ZNF385D: variants seen among roughly 807,000 people sequenced by gnomAD.
ZNF385D encodes the protein zinc finger protein 659.
In ZNF385D, 15 loss-of-function variants were observed where a neutral mutation model predicts 35.8. That is an observed-to-expected ratio of 0.42 (90% CI 0.28 to 0.64). ZNF385D has a LOEUF of 0.64. Ranked by LOEUF, ZNF385D falls within the 30% of genes least tolerant of loss-of-function variation. ZNF385D has a pLI of 0.23. For synonymous variants in ZNF385D, 212 were observed against 186.8 expected (o/e 1.13, Z -1.10); for missense variants, 474 against 494.6 (o/e 0.96, Z 0.39).
At chr3:22,030,005 C>T (rs776815837) in intron 3 of ZNF385D, among the ~76,000 whole-genome samples, 4 of 151,576 alleles carry the variant, frequency 2.6e-5, no homozygotes, top group African/African-American at 4.8e-5. Context: ...CAGACCCACC[C>T]TTAATCTGGT....
intron 4 of ZNF385D, among the ~76,000 whole-genome samples, chr3:21,438,106 AC>A (rs1481285138): frequency 6.6e-6 from 1 of 152,170 alleles, no homozygotes; most frequent in Non-Finnish European, 1.5e-5. Flanking sequence ...TCTTAACTTT[AC>A]TTGGGTATGC....
chr3:22,344,177 G>GGTGTGTGTGTGTGTGTGTGT (rs571896117), intron 2 of ZNF385D, among the ~76,000 whole-genome samples: 3 of 140,756 alleles, frequency 2.1e-5, no homozygotes, highest in African/African-American at 8.1e-5. Context: ...GGTGGGGTGG[G>GGTGTGTGTGTGTGTGTGTGT]GTGTGTGTGT....
chr3:21,461,547 C>T (rs1299899341), intron 4 of ZNF385D, among the ~76,000 whole-genome samples: 1 of 151,142 alleles, frequency 6.6e-6, no homozygotes, highest in Non-Finnish European at 1.5e-5. Flanking sequence ...GACTCTATCT[C>T]AAAAACAAAC....
chr3:22,134,571 T>C (rs1037127294), intron 3 of ZNF385D, among the ~76,000 whole-genome samples: 2 of 152,130 alleles, frequency 1.3e-5, no homozygotes, highest in Non-Finnish European at 2.9e-5. Context: ...TTTTCAAGCA[T>C]ACATGGGACA....
intron 3 of ZNF385D, among the ~76,000 whole-genome samples, chr3:22,124,630 A>G (rs751201637): frequency 6.6e-6 from 1 of 152,084 alleles, no homozygotes; most frequent in African/African-American, 2.4e-5. Flanking sequence ...AGGGTGAGGT[A>G]ATATATCGCT....
chr3:22,024,763 A>C (rs34568561), intron 3 of ZNF385D, among the ~76,000 whole-genome samples: 8,689 of 152,174 alleles, frequency 0.057, 296 homozygotes, highest in Middle Eastern at 0.13. Context: ...CCATCTGTGG[A>C]GAACCAAGGA....
intron 3 of ZNF385D, among the ~76,000 whole-genome samples, chr3:21,989,177 C>T (rs917043541): frequency 2.6e-5 from 4 of 152,130 alleles, no homozygotes; most frequent in South Asian, 4.1e-4. Flanking sequence ...TTGGCTCCTC[C>T]GACCCCATCT....
chr3:22,030,787 A>G (rs1007577397), intron 3 of ZNF385D, among the ~76,000 whole-genome samples: 1 of 152,158 alleles, frequency 6.6e-6, no homozygotes, highest in Non-Finnish European at 1.5e-5. Context: ...TCATTCCAGC[A>G]TTAACTGAAA....
chr3:21,892,305 T>A (rs1559729302), intron 3 of ZNF385D, among the ~76,000 whole-genome samples: 1 of 152,198 alleles, frequency 6.6e-6, no homozygotes, highest in Non-Finnish European at 1.5e-5. Flanking sequence ...AGGAATATGC[T>A]GGCTCAGCAC....
intron 2 of ZNF385D, among the ~76,000 whole-genome samples, chr3:21,631,596 G>GCA (rs1289792840): frequency 6.6e-6 from 1 of 151,952 alleles, no homozygotes; most frequent in African/African-American, 2.4e-5. Context: ...ATGTATAATG[G>GCA]CACACACATT....
chr3:21,501,730 T>A (rs1706384132), intron 4 of ZNF385D, among the ~76,000 whole-genome samples: 1 of 152,226 alleles, frequency 6.6e-6, no homozygotes, highest in Admixed American at 6.5e-5. Flanking sequence ...TTTTGTTATG[T>A]AAGCTTATGT....
chr3:22,085,561 C>A (rs969085486), intron 3 of ZNF385D, among the ~76,000 whole-genome samples: 4 of 152,078 alleles, frequency 2.6e-5, no homozygotes, highest in Non-Finnish European at 4.4e-5. Context: ...CAATAACAGG[C>A]TCTGAAATTG....
At chr3:21,601,025 C>T (rs577712453) in intron 2 of ZNF385D, among the ~76,000 whole-genome samples, 2 of 151,868 alleles carry the variant, frequency 1.3e-5, no homozygotes, top group South Asian at 4.1e-4. Flanking sequence ...CTATGGAACA[C>T]TTACTATTTT....
intron 3 of ZNF385D, among the ~76,000 whole-genome samples, chr3:21,869,666 A>C (rs1697580103): frequency 6.6e-6 from 1 of 152,032 alleles, no homozygotes; most frequent in Non-Finnish European, 1.5e-5. Context: ...ATAGCGTAAC[A>C]CAGTTAGCTT....
intron 1 of ZNF385D, among the ~76,000 whole-genome samples, chr3:21,733,228 C>T (rs2069097326): frequency 6.6e-6 from 1 of 152,026 alleles, no homozygotes; most frequent in African/African-American, 2.4e-5. Flanking sequence ...ACTTTCTCTT[C>T]TGTTCTATTG....
chr3:21,608,712 A>G (rs1559455920), intron 2 of ZNF385D, among the ~76,000 whole-genome samples: 1 of 152,146 alleles, frequency 6.6e-6, no homozygotes, highest in African/African-American at 2.4e-5. Context: ...CCCATGTTTT[A>G]CCCTCTAGAT....
intron 2 of ZNF385D, among the ~76,000 whole-genome samples, chr3:22,248,085 G>A (rs189373896): frequency 1.3e-5 from 2 of 152,138 alleles, no homozygotes; most frequent in African/African-American, 4.8e-5. Flanking sequence ...CTGATGTCAA[G>A]ATTCATGAAC....
At chr3:21,920,581 T>C (rs1471469267) in intron 3 of ZNF385D, among the ~76,000 whole-genome samples, 1 of 144,948 alleles carries the variant, frequency 6.9e-6, no homozygotes, top group African/African-American at 2.6e-5. Context: ...TCTGGAAGAA[T>C]GCATTTAGTG....
chr3:21,989,588 A>G (rs190764321), intron 3 of ZNF385D, among the ~76,000 whole-genome samples: 2 of 152,180 alleles, frequency 1.3e-5, no homozygotes, highest in African/African-American at 4.8e-5. Flanking sequence ...TGTCTTACAC[A>G]ATACTAAATA....
Sources: allele counts gnomAD v4.1 joint callset (sites outside exome capture counted in the v4.1 genomes callset), GRCh38; gene constraint gnomAD v4.1.1; transcripts MANE v1.5; gene names NCBI Gene and HGNC (gene_info 2026-07-23, HGNC 2026-07-21).